Variants in THSD4 observed in about 807,000 individuals in gnomAD.
THSD4 encodes the protein thrombospondin type 1 domain containing 4, also known as thrombospondin type-1 domain-containing protein 4.
A neutral mutation model predicts 119.0 loss-of-function variants in THSD4; 69 were observed. The observed-to-expected ratio is 0.58, with a 90% confidence interval of 0.48 to 0.71. The LOEUF is 0.71. Among genes scored for constraint, THSD4 ranks in the 30% least tolerant of loss-of-function variants. The pLI, the probability that THSD4 is intolerant of heterozygous loss-of-function variation, is 0.00. For synonymous variants in THSD4, 524 were observed against 540.4 expected (o/e 0.97, Z 0.42); for missense variants, 1,393 against 1,391.1 (o/e 1.00, Z -0.02).
At chr15:71,544,100 A>G (rs2048801601) in intron 7 of THSD4, among the ~76,000 whole-genome samples, 1 of 152,172 alleles carries the variant, frequency 6.6e-6, no homozygotes, top group African/African-American at 2.4e-5. Context: ...GGATGGCCCA[A>G]CAAGGGCAGA....
chr15:71,461,048 A>G (rs1032522736), intron 7 of THSD4, among the ~76,000 whole-genome samples: 1 of 152,076 alleles, frequency 6.6e-6, no homozygotes, highest in East Asian at 1.9e-4. Flanking sequence ...TCACCCCACA[A>G]AGTTTCTGTG....
intron 7 of THSD4, among the ~76,000 whole-genome samples, chr15:71,576,607 A>G (rs374428272): frequency 3.9e-5 from 6 of 152,208 alleles, no homozygotes; most frequent in Admixed American, 1.3e-4. Flanking sequence ...ATACTATGAA[A>G]TTATGTCAGT....
Position 71,176,145 on chromosome 15 carries a change from T to C in THSD4, c.99+21213T>C, listed in dbSNP as rs1012001580. Among the ~76,000 whole-genome samples, 22 of 147,912 alleles carry C rather than the reference T, an allele frequency of 1.5e-4. 1 individual carries two copies. Among genetic ancestry groups the C allele is most frequent in the Non-Finnish European group, 3.1e-4 (21 of 67,324 alleles). ...CAAATTCACACATAACAGTATTAAC[T>C]TTAAATATAAATGGACTACATTCTG... On this transcript the variant is annotated intron_variant, in intron 3 of 17. Coordinates refer to ENST00000261862, the MANE Select transcript of THSD4 (RefSeq NM_024817.3).
intron 6 of THSD4, among the ~76,000 whole-genome samples, chr15:71,335,526 G>T (rs900143880): frequency 6.6e-6 from 1 of 152,068 alleles, no homozygotes; most frequent in Non-Finnish European, 1.5e-5. Flanking sequence ...GAATTCTGGG[G>T]CTGATTTCAG....
At chr15:71,388,438 C>T (rs193124819) in intron 6 of THSD4, among the ~76,000 whole-genome samples, 10 of 152,258 alleles carry the variant, frequency 6.6e-5, no homozygotes, top group African/African-American at 1.4e-4. Flanking sequence ...TTCCAAAGGA[C>T]GGCTGATTTT....
intron 8 of THSD4, among the ~76,000 whole-genome samples, chr15:71,704,908 C>T (rs1567110390): frequency 1.3e-5 from 2 of 152,180 alleles, no homozygotes; most frequent in Admixed American, 6.5e-5. Context: ...ACCATCTTCA[C>T]GGACTCTGAT....
chr15:71,160,293 C>T (rs2043238921), intron 3 of THSD4, among the ~76,000 whole-genome samples: 1 of 151,726 alleles, frequency 6.6e-6, no homozygotes, highest in African/African-American at 2.4e-5. Flanking sequence ...TTGTTGTATC[C>T]TTGTCTGGTT....
At chr15:71,734,986 T>C (rs1386422400) in intron 10 of THSD4, among the ~76,000 whole-genome samples, 1 of 152,138 alleles carries the variant, frequency 6.6e-6, no homozygotes, top group African/African-American at 2.4e-5. Context: ...GAATATTGCA[T>C]ATTATTATTT....
At chr15:71,397,107 C>T (rs1423279500) in intron 6 of THSD4, among the ~76,000 whole-genome samples, 1 of 152,182 alleles carries the variant, frequency 6.6e-6, no homozygotes, top group Non-Finnish European at 1.5e-5. Flanking sequence ...GCTGGTTTAC[C>T]TCTGCAGCCT....
intron 11 of THSD4, among the ~76,000 whole-genome samples, chr15:71,740,171 C>T (rs145488434): frequency 0.014 from 2,137 of 151,580 alleles, 23 homozygotes; most frequent in Non-Finnish European, 0.023. Flanking sequence ...ATTGGACCAA[C>T]TTCTTTTATA....
chr15:71,486,423 A>C (rs1487390405), intron 7 of THSD4, among the ~76,000 whole-genome samples: 1 of 152,094 alleles, frequency 6.6e-6, no homozygotes. Flanking sequence ...TTAAATGAGA[A>C]AGTTACATTT....
At chr15:71,195,623 C>T (rs368888000) in intron 3 of THSD4, among the ~76,000 whole-genome samples, 55 of 152,196 alleles carry the variant, frequency 3.6e-4, no homozygotes, top group Admixed American at 8.5e-4. Context: ...CCAGGTTAGG[C>T]GAGATAGACT....
chr15:71,400,193 A>G (rs1380211170), intron 6 of THSD4, among the ~76,000 whole-genome samples: 1 of 152,200 alleles, frequency 6.6e-6, no homozygotes, highest in African/African-American at 2.4e-5. Context: ...TCTAAAGTTT[A>G]AATTCCAAGT....
At chr15:71,303,429 C>T (rs918661522) in intron 6 of THSD4, among the ~76,000 whole-genome samples, 1 of 152,208 alleles carries the variant, frequency 6.6e-6, no homozygotes. Flanking sequence ...CAAATGGCCT[C>T]TAACGTTGCA....
chr15:71,600,841 G>T (rs901799726), intron 7 of THSD4, among the ~76,000 whole-genome samples: 3 of 151,722 alleles, frequency 2.0e-5, no homozygotes, highest in Admixed American at 6.6e-5. Flanking sequence ...CCACCTCCCG[G>T]GTTCAAACGA....
At chr15:71,540,895 G>A (rs961965699) in intron 7 of THSD4, among the ~76,000 whole-genome samples, 10 of 151,614 alleles carry the variant, frequency 6.6e-5, no homozygotes, top group African/African-American at 1.2e-4. Flanking sequence ...GCTAATGTTC[G>A]TAATTTTAGT....
intron 14 of THSD4, among the ~76,000 whole-genome samples, chr15:71,755,141 C>A (rs1010325855): frequency 6.6e-6 from 1 of 152,220 alleles, no homozygotes; most frequent in Non-Finnish European, 1.5e-5. Flanking sequence ...GCTCTTCCTG[C>A]ATCTGCTATT....
At chr15:71,668,742 A>T (rs1004196488) in intron 8 of THSD4, among the ~76,000 whole-genome samples, 87 of 152,330 alleles carry the variant, frequency 5.7e-4, no homozygotes, top group Admixed American at 1.2e-3. Context: ...CACAACGTGC[A>T]CAGGGTTCTC....
intron 7 of THSD4, among the ~76,000 whole-genome samples, chr15:71,457,356 G>T (rs116957579): frequency 0.061 from 9,049 of 147,940 alleles, 354 homozygotes; most frequent in Middle Eastern, 0.14. Flanking sequence ...CTCCAGCCTG[G>T]GTGGCAGAGT....
Sources: allele counts gnomAD v4.1 joint callset (sites outside exome capture counted in the v4.1 genomes callset), GRCh38; gene constraint gnomAD v4.1.1; transcripts MANE v1.5; gene names NCBI Gene and HGNC (gene_info 2026-07-23, HGNC 2026-07-21).